C9orf85: variants seen among roughly 807,000 people sequenced by gnomAD.
The protein encoded by C9orf85 is uncharacterized protein C9orf85.
A neutral mutation model predicts 14.9 loss-of-function variants in C9orf85; 16 were observed. The observed-to-expected ratio is 1.08, with a 90% CI of 0.73 to 1.63. The LOEUF is 1.63. C9orf85 is among the 40% of genes most tolerant of loss of function. C9orf85 has a pLI of 0.00. For synonymous variants in C9orf85, 45 were observed against 56.8 expected, an observed-to-expected ratio of 0.79 and a Z score of 0.93; for missense variants, 172 against 186.1, an observed-to-expected ratio of 0.92 and a Z score of 0.44.
intron 1 of C9orf85, among the ~76,000 whole-genome samples, chr9:71,934,782 A>G (rs1298892355): frequency 2.6e-5 from 4 of 152,040 alleles, no homozygotes; most frequent in Non-Finnish European, 4.4e-5. Flanking sequence ...AGGTAGGAGG[A>G]TTGCTTGAGC....
chr9:71,968,754 A>G (rs928189901), intron 2 of C9orf85, among the ~76,000 whole-genome samples: 6 of 152,206 alleles, frequency 3.9e-5, no homozygotes, highest in Non-Finnish European at 8.8e-5. Flanking sequence ...AGCAATGGCA[A>G]GAGTACACCT....
At chr9:71,954,182 C>CT (rs1449982207) in intron 2 of C9orf85, among the ~76,000 whole-genome samples, 3 of 148,952 alleles carry the variant, frequency 2.0e-5, no homozygotes, top group Admixed American at 6.7e-5. Context: ...GGGTGGGACT[C>CT]TAGCAGCAGG....
chr9:71,947,262 C>T (rs902288734), intron 2 of C9orf85, 150 bp downstream of exon 2: 2 of 573,802 alleles, frequency 3.5e-6, no homozygotes, highest in Non-Finnish European at 6.0e-6. Context: ...ATCTTGTGTG[C>T]TGAATCTTGG....
intron 3 of C9orf85, among the ~76,000 whole-genome samples, chr9:71,979,312 T>C (rs768165346): frequency 2.6e-5 from 4 of 152,228 alleles, no homozygotes; most frequent in Non-Finnish European, 5.9e-5. Context: ...GGCTGTAATT[T>C]CTACAGTGTA....
intron 1 of C9orf85, among the ~76,000 whole-genome samples, chr9:71,936,362 G>C (rs1828191796): frequency 6.6e-6 from 1 of 152,148 alleles, no homozygotes; most frequent in Non-Finnish European, 1.5e-5. Context: ...ACAGGGTTGA[G>C]AGAGAAAGTT....
At chr9:71,915,422 C>T (rs1827625088) in intron 1 of C9orf85, among the ~76,000 whole-genome samples, 1 of 151,974 alleles carries the variant, frequency 6.6e-6, no homozygotes, top group South Asian at 2.1e-4. Context: ...AGCGATCTGC[C>T]CACCTTGGCC....
At chr9:71,946,906 A>G in intron 1 of C9orf85, 100 bp from the exon 2 acceptor site, 1 of 665,212 alleles carries the variant, frequency 1.5e-6, no homozygotes, top group East Asian at 2.8e-5. Flanking sequence ...ATTAAGGTTC[A>G]GTTATATTTT....
intron 2 of C9orf85, among the ~76,000 whole-genome samples, chr9:71,966,189 C>T (rs1822685003): frequency 6.6e-6 from 1 of 152,092 alleles, no homozygotes; most frequent in African/African-American, 2.4e-5. Flanking sequence ...CTTTTTTTGT[C>T]TATAAATTTG....
rs150893958 is a variant in C9orf85, at chr9:71,956,883, G to C, written c.209+9771G>C. Among the ~76,000 whole-genome samples, 117 of 152,288 alleles carry C rather than the reference G, an allele frequency of 7.7e-4. 1 individual carries two copies. Among genetic ancestry groups the C allele is most frequent in the Non-Finnish European group, 1.4e-3 (94 of 68,022 alleles). On this transcript the variant is annotated intron_variant, in intron 2 of 3. Transcript: ENST00000334731. Reference sequence around the variant, plus strand: ...GCTAAAGAGAAATGAACAAAGTTAAGTGCCTTCATGATAGAATATATGACA... The same window carrying C: ...GCTAAAGAGAAATGAACAAAGTTAACTGCCTTCATGATAGAATATATGACA...
chr9:71,971,049 C>T (rs774749333), intron 2 of C9orf85, among the ~76,000 whole-genome samples: 11 of 152,106 alleles, frequency 7.2e-5, no homozygotes, highest in African/African-American at 1.2e-4. Context: ...GCACTACTCC[C>T]GGCCTACAAT....
intron 2 of C9orf85, among the ~76,000 whole-genome samples, chr9:71,962,730 G>C (rs1822553656): frequency 6.6e-6 from 1 of 152,220 alleles, no homozygotes; most frequent in Non-Finnish European, 1.5e-5. Flanking sequence ...AGATTTGCCA[G>C]ATGTTGATAG....
intron 1 of C9orf85, among the ~76,000 whole-genome samples, chr9:71,914,218 C>T (rs1481026960): frequency 1.3e-5 from 2 of 152,222 alleles, no homozygotes; most frequent in African/African-American, 2.4e-5. Context: ...GCACGGTTCT[C>T]TGTAACTCCC....
At chr9:71,956,289 T>C (rs1407448518) in intron 2 of C9orf85, among the ~76,000 whole-genome samples, 3 of 146,246 alleles carry the variant, frequency 2.1e-5, no homozygotes, top group Non-Finnish European at 4.5e-5. Flanking sequence ...TCGCTCTTGT[T>C]GCCCAGGCTG....
chr9:71,913,209 T>C (rs1479874693), intron 1 of C9orf85, among the ~76,000 whole-genome samples: 1 of 152,304 alleles, frequency 6.6e-6, no homozygotes, highest in East Asian at 1.9e-4. Context: ...CCGACATTGA[T>C]TGGGAAAGCA....
chr9:71,961,183 AT>A (rs1822511220), intron 2 of C9orf85, among the ~76,000 whole-genome samples: 2 of 151,784 alleles, frequency 1.3e-5, no homozygotes, highest in South Asian at 4.2e-4. Context: ...GAGTGCTGGG[AT>A]TTACAGGTGT....
At chr9:71,935,867 A>G (rs1828176278) in intron 1 of C9orf85, among the ~76,000 whole-genome samples, 1 of 149,786 alleles carries the variant, frequency 6.7e-6, no homozygotes, top group Non-Finnish European at 1.5e-5. Flanking sequence ...AAAATCGTTA[A>G]GTTGGTAAAT....
At chr9:71,962,831 G>A (rs1415909597) in intron 2 of C9orf85, among the ~76,000 whole-genome samples, 2 of 152,126 alleles carry the variant, frequency 1.3e-5, no homozygotes, top group African/African-American at 4.8e-5. Context: ...CGAGGCAGGC[G>A]GATCACTTGA....
At chr9:71,981,495 AGAAG>A (rs1175786830) in intron 3 of C9orf85, among the ~76,000 whole-genome samples, 1 of 152,252 alleles carries the variant, frequency 6.6e-6, no homozygotes, top group Non-Finnish European at 1.5e-5. Context: ...TGGAAGCTTT[AGAAG>A]GAGTTTCAAC....
chr9:71,947,148 A>ATATGTAT (rs1822118951), intron 2 of C9orf85, 36 bp downstream of exon 2: 1 of 1,306,978 alleles, frequency 7.7e-7, no homozygotes, highest in Non-Finnish European at 1.1e-6. Context: ...ACTTGGTGGT[A>ATATGTAT]TATGTATCAT....
Sources: allele counts gnomAD v4.1 joint callset (sites outside exome capture counted in the v4.1 genomes callset), GRCh38; gene constraint gnomAD v4.1.1; transcripts MANE v1.5; gene names NCBI Gene and HGNC (gene_info 2026-07-23, HGNC 2026-07-21).